The following SPAG16 variants were observed in gnomAD, a reference collection of about 807,000 sequenced individuals.
The protein encoded by SPAG16 is sperm associated antigen 16.
In SPAG16, 86 loss-of-function variants were observed where a neutral mutation model predicts 80.4. The observed-to-expected ratio is 1.07, with a 90% CI of 0.90 to 1.28. The LOEUF (loss-of-function observed/expected upper bound fraction) is 1.28. Ranked by LOEUF, SPAG16 falls within the 50% of genes most tolerant of loss-of-function variation. The pLI is 0.00. For synonymous variants in SPAG16, 294 were observed against 265.9 expected, an observed-to-expected ratio of 1.11 and a Z score of -1.03; for missense variants, 870 against 765.3, an observed-to-expected ratio of 1.14 and a Z score of -1.61.
chr2:214,322,784 G>T (rs1696191114), intron 15 of SPAG16, among the ~76,000 whole-genome samples: 1 of 152,132 alleles, frequency 6.6e-6, no homozygotes. Context: ...AAGAAGGTGA[G>T]TCGGTAATAA....
intron 10 of SPAG16, among the ~76,000 whole-genome samples, chr2:213,654,580 G>A (rs1015232868): frequency 6.7e-5 from 10 of 150,246 alleles, no homozygotes. Context: ...AGCCGGGTGT[G>A]GTGGTGGGCG....
intron 15 of SPAG16, among the ~76,000 whole-genome samples, chr2:214,221,694 TAC>T (rs1161859836): frequency 1.3e-5 from 2 of 152,306 alleles, no homozygotes; most frequent in African/African-American, 4.8e-5. Context: ...TTCCAGAGCC[TAC>T]ACACAGACAA....
chr2:213,828,853 T>G (rs2073455140), intron 10 of SPAG16, among the ~76,000 whole-genome samples: 1 of 152,170 alleles, frequency 6.6e-6, no homozygotes, highest in Admixed American at 6.5e-5. Context: ...AGGTAGAGAC[T>G]CTTGTTCCCT....
At chr2:214,375,954 G>GT (rs939946960) in intron 15 of SPAG16, among the ~76,000 whole-genome samples, 5 of 151,526 alleles carry the variant, frequency 3.3e-5, no homozygotes, top group East Asian at 1.9e-4. Context: ...TAATTGGAAG[G>GT]TTTTTTTTCT....
intron 7 of SPAG16, among the ~76,000 whole-genome samples, chr2:213,363,343 C>T (rs2066098445): frequency 6.6e-6 from 1 of 151,572 alleles, no homozygotes. Flanking sequence ...TTAACCTAGG[C>T]ATTTCATGAG....
intron 6 of SPAG16, among the ~76,000 whole-genome samples, chr2:213,346,260 A>G (rs1021672344): frequency 2.0e-5 from 3 of 152,174 alleles, no homozygotes; most frequent in Non-Finnish European, 2.9e-5. Context: ...GAAGTTGCCT[A>G]TCAGCTTAAG....
chr2:214,342,545 T>C (rs778702183), intron 15 of SPAG16, among the ~76,000 whole-genome samples: 1 of 152,082 alleles, frequency 6.6e-6, no homozygotes, highest in African/African-American at 2.4e-5. Flanking sequence ...CATCCCCAGA[T>C]AGAACCATCT....
chr2:213,448,901 G>A (rs747744078), intron 9 of SPAG16, among the ~76,000 whole-genome samples: 34 of 152,082 alleles, frequency 2.2e-4, no homozygotes, highest in Admixed American at 1.3e-4. Context: ...GAATAACAGA[G>A]ATTTTTATGG....
intron 11 of SPAG16, among the ~76,000 whole-genome samples, chr2:213,899,666 G>A (rs2077138203): frequency 6.6e-6 from 1 of 152,000 alleles, no homozygotes; most frequent in Non-Finnish European, 1.5e-5. Context: ...ACGTTTATAT[G>A]AGAAACAGAG....
chr2:213,943,862 A>G (rs987706296), intron 12 of SPAG16, among the ~76,000 whole-genome samples: 2 of 152,224 alleles, frequency 1.3e-5, no homozygotes, highest in African/African-American at 2.4e-5. Flanking sequence ...ACATCTCAAC[A>G]GAAGCCAGTT....
chr2:213,452,638 G>A (rs2071768612), intron 9 of SPAG16, among the ~76,000 whole-genome samples: 1 of 152,162 alleles, frequency 6.6e-6, no homozygotes, highest in South Asian at 2.1e-4. Flanking sequence ...ACTTCCCATT[G>A]TTGTTGAGAT....
Position 213,365,750 on chromosome 2 carries a change from G to A in SPAG16, c.832+1605G>A, listed in dbSNP as rs570338383. 4.2e-4 allele frequency among the ~76,000 whole-genome samples: 64 copies of A among 151,906 alleles called. 1 individual carries two copies. Among genetic ancestry groups the A allele is most frequent in the Non-Finnish European group, 6.8e-4 (46 of 67,910 alleles). The stretch of plus-strand genomic sequence containing the variant: ...TGGGATTACAGGCATGAGCCACTGC[G>A]CCCAATCAAAAATTTTATTTAATGT... On this transcript the variant is annotated intron_variant, in intron 8 of 15. Transcript: ENST00000331683.
chr2:213,305,064 A>T (rs947412336), intron 3 of SPAG16, among the ~76,000 whole-genome samples: 4 of 151,968 alleles, frequency 2.6e-5, no homozygotes, highest in Admixed American at 1.3e-4. Flanking sequence ...TCAGTATTTT[A>T]TAGCTTTCAT....
intron 13 of SPAG16, among the ~76,000 whole-genome samples, chr2:214,033,459 G>A (rs75514505): frequency 0.01 from 1,531 of 152,244 alleles, 26 homozygotes; most frequent in African/African-American, 0.035. Flanking sequence ...CTGAGAGGGG[G>A]CTGGAAGACA....
intron 12 of SPAG16, among the ~76,000 whole-genome samples, chr2:213,974,815 C>T (rs1330826560): frequency 2.0e-5 from 3 of 151,902 alleles, no homozygotes; most frequent in Non-Finnish European, 4.4e-5. Context: ...TGGCTTGCCA[C>T]ATAACCAGCA....
At chr2:213,831,402 A>T (rs569104317) in intron 10 of SPAG16, among the ~76,000 whole-genome samples, 1 of 122,844 alleles carries the variant, frequency 8.1e-6, no homozygotes, top group African/African-American at 2.7e-5. Context: ...TTTTCAATTC[A>T]TAATTCAGGT....
At chr2:214,171,235 C>G (rs570287945) in intron 15 of SPAG16, among the ~76,000 whole-genome samples, 1 of 151,940 alleles carries the variant, frequency 6.6e-6, no homozygotes, top group Admixed American at 6.6e-5. Flanking sequence ...TTCAGGCCAC[C>G]ACCTTAGTTA....
chr2:214,117,835 G>C (rs1351288416), intron 14 of SPAG16, among the ~76,000 whole-genome samples: 1 of 151,980 alleles, frequency 6.6e-6, no homozygotes, highest in African/African-American at 2.4e-5. Context: ...TGAACAATTA[G>C]GTATAGAAGC....
intron 15 of SPAG16, among the ~76,000 whole-genome samples, chr2:214,165,001 C>A (rs537662045): frequency 6.6e-6 from 1 of 152,182 alleles, no homozygotes; most frequent in African/African-American, 2.4e-5. Flanking sequence ...CATGAGTTTG[C>A]TACTTTCTAG....
Sources: gnomAD v4.1 joint callset for allele counts (sites outside exome capture counted in the v4.1 genomes callset) on GRCh38, gnomAD v4.1.1 for gene constraint, MANE v1.5 for transcripts, NCBI Gene and HGNC (gene_info 2026-07-23, HGNC 2026-07-21) for gene names.